Variants in ART3 observed in about 807,000 individuals in gnomAD.
ART3 encodes ecto-ADP-ribosyltransferase 3.
Under a neutral mutation model 48.5 loss-of-function variants are expected in ART3, and 49 were observed. The ratio of observed to expected loss-of-function variants is 1.01; its 90% CI spans 0.80 to 1.28. The LOEUF is 1.28. ART3 is among the 50% of genes most tolerant of loss of function. The pLI, the probability that ART3 is intolerant of heterozygous loss-of-function variation, is 0.00. For synonymous variants in ART3, 145 were observed against 157.2 expected (o/e 0.92, Z 0.58); for missense variants, 438 against 454.3 (o/e 0.96, Z 0.33).
At chr4:76,022,357 C>G (rs1227332486) in intron 1 of ART3, 1 of 1,611,782 alleles carries the variant, frequency 6.2e-7, no homozygotes, top group Non-Finnish European at 8.5e-7. Context: ...CAGGCAACAG[C>G]AAACCTACCT....
At chr4:76,030,154 T>C (rs1168789756) in intron 1 of ART3, among the ~76,000 whole-genome samples, 1 of 152,204 alleles carries the variant, frequency 6.6e-6, no homozygotes, top group Non-Finnish European at 1.5e-5. Flanking sequence ...CCTCCCGGGT[T>C]CAAGCGATTC....
intron 1 of ART3, among the ~76,000 whole-genome samples, chr4:76,059,565 T>C (rs1719005823): frequency 6.6e-6 from 1 of 152,170 alleles, no homozygotes; most frequent in Non-Finnish European, 1.5e-5. Context: ...TGTAATTAAG[T>C]GGCTTTTTTC....
intron 8 of ART3, among the ~76,000 whole-genome samples, chr4:76,102,617 A>G (rs1299224962): frequency 6.6e-6 from 1 of 151,994 alleles, no homozygotes; most frequent in African/African-American, 2.4e-5. Context: ...CTCTTAATAC[A>G]ATGGTAAATA....
intron 1 of ART3, among the ~76,000 whole-genome samples, chr4:76,064,656 G>A (rs112079317): frequency 6.6e-6 from 1 of 152,140 alleles, no homozygotes; most frequent in African/African-American, 2.4e-5. Flanking sequence ...ACTACTGATG[G>A]AAGCTGGGAG....
At chr4:76,103,900 C>T in intron 8 of ART3, 37 bp from the exon 9 acceptor site, 1 of 1,537,800 alleles carries the variant, frequency 6.5e-7, no homozygotes, top group South Asian at 1.1e-5. Flanking sequence ...TATAAGATAA[C>T]TGATTAATAC....
chr4:76,062,333 C>A (rs1174306246), intron 1 of ART3, among the ~76,000 whole-genome samples: 2 of 151,962 alleles, frequency 1.3e-5, no homozygotes, highest in South Asian at 2.1e-4. Context: ...GGGTTTCCAA[C>A]CTTGGGAAAA....
intron 2 of ART3, among the ~76,000 whole-genome samples, chr4:76,080,692 G>A (rs913209093): frequency 4.0e-5 from 6 of 150,178 alleles, no homozygotes; most frequent in Non-Finnish European, 8.9e-5. Context: ...TGTATTTTTA[G>A]TAGAGATGGG....
At chr4:76,071,470 C>G (rs143847087), upstream of ART3, among the ~76,000 whole-genome samples, 2 of 152,288 alleles carry the variant, frequency 1.3e-5, no homozygotes, top group Non-Finnish European at 2.9e-5. Flanking sequence ...TAGAAAAACT[C>G]CTTGAAAGAG....
chr4:76,034,940 A>T, intron 1 of ART3: 1 of 1,360,078 alleles, frequency 7.4e-7, no homozygotes. Context: ...AATATTTCAC[A>T]CAGGATCATA....
chr4:76,059,610 G>A (rs962600493), intron 1 of ART3, among the ~76,000 whole-genome samples: 2 of 151,884 alleles, frequency 1.3e-5, no homozygotes, highest in Non-Finnish European at 2.9e-5. Context: ...CCTCCTTGTA[G>A]GTAGCTTAAA....
intron 1 of ART3, chr4:76,034,924 TAACAG>T: frequency 3.0e-6 from 4 of 1,350,788 alleles, no homozygotes; most frequent in Non-Finnish European, 4.2e-6. Flanking sequence ...AAGGACCCCT[TAACAG>T]AATATTTCAC....
At chr4:76,080,444 C>T (rs1472743291) in intron 2 of ART3, among the ~76,000 whole-genome samples, 3 of 152,316 alleles carry the variant, frequency 2.0e-5, no homozygotes, top group Non-Finnish European at 4.4e-5. Flanking sequence ...ATGTTCATTA[C>T]ATAATTTAAT....
intron 1 of ART3, among the ~76,000 whole-genome samples, chr4:76,046,711 T>G (rs992992209): frequency 6.6e-6 from 1 of 151,912 alleles, no homozygotes; most frequent in African/African-American, 2.4e-5. Context: ...AGATAATAGC[T>G]CCAGCCTTGG....
chr4:76,064,024 A>AT (rs1383687867), intron 1 of ART3, among the ~76,000 whole-genome samples: 1 of 152,216 alleles, frequency 6.6e-6, no homozygotes, highest in African/African-American at 2.4e-5. Flanking sequence ...GTAGCATGAG[A>AT]CAAAAAATAA....
chr4:76,088,470 A>G (rs1339278334), intron 3 of ART3, among the ~76,000 whole-genome samples: 6 of 152,120 alleles, frequency 3.9e-5, no homozygotes, highest in Non-Finnish European at 8.8e-5. Flanking sequence ...AGACCTGTTG[A>G]GCCAGCTCTC....
At chr4:76,102,085 A>G (rs10022137) in intron 8 of ART3, among the ~76,000 whole-genome samples, 78,037 of 152,070 alleles carry the variant, frequency 0.51, 20,845 homozygotes, top group East Asian at 0.98. Context: ...TAGAATAAGC[A>G]TTCATTGAGC....
At chr4:76,044,858 C>T (rs1163891267) in intron 1 of ART3, among the ~76,000 whole-genome samples, 1 of 152,092 alleles carries the variant, frequency 6.6e-6, no homozygotes, top group Non-Finnish European at 1.5e-5. Context: ...AAGACTCCCA[C>T]CTCTTTGGGT....
chr4:76,093,925 T>C (rs1330192026), intron 3 of ART3, among the ~76,000 whole-genome samples: 1 of 152,178 alleles, frequency 6.6e-6, no homozygotes, highest in Admixed American at 6.5e-5. Context: ...TAATCCTCAC[T>C]GTGATGGTAT....
intron 3 of ART3, among the ~76,000 whole-genome samples, chr4:76,091,298 T>C (rs1724832202): frequency 6.6e-6 from 1 of 152,248 alleles, no homozygotes; most frequent in Admixed American, 6.5e-5. Flanking sequence ...TAGGTATATG[T>C]GTAACTTTGG....
Sources: gnomAD v4.1 joint callset for allele counts (sites outside exome capture counted in the v4.1 genomes callset) on GRCh38, gnomAD v4.1.1 for gene constraint, MANE v1.5 for transcripts, NCBI Gene and HGNC (gene_info 2026-07-23, HGNC 2026-07-21) for gene names.